Variants in ZNF18 observed in about 807,000 individuals in gnomAD.
ZNF18 encodes the protein heart development-specific gene 1 protein.
In ZNF18, 42 loss-of-function variants were observed where a neutral mutation model predicts 58.1. That is an observed-to-expected ratio of 0.72 (90% CI 0.56 to 0.93). The LOEUF (loss-of-function observed/expected upper bound fraction) is 0.93, where lower values mean the gene tolerates loss of function less well. Ranked by LOEUF, ZNF18 falls within the 40% of genes least tolerant of loss-of-function variation. ZNF18 has a pLI of 0.00. For synonymous variants in ZNF18, 231 were observed against 239.8 expected (o/e 0.96, Z 0.34); for missense variants, 540 against 644.2 (o/e 0.84, Z 1.75).
intron 1 of ZNF18, among the ~76,000 whole-genome samples, chr17:11,994,944 C>T (rs1042427367): frequency 3.0e-4 from 46 of 152,220 alleles, no homozygotes; most frequent in Non-Finnish European, 7.3e-5. Flanking sequence ...CATCTTCACA[C>T]TGAGTAGCCT....
In ZNF18 at chr17:11,991,058, A is replaced by C; in HGVS notation, c.493T>G (p.Leu165Val). The change falls in exon 3 of 7, where the codon TTG becomes GTG. Residue 165 changes from leucine to valine, a missense_variant. Physicochemically the swap from Leu to Val is conservative, Grantham distance 32. Transcript: ENST00000580306. Reference sequence around the variant, plus strand: ...CCTGAGGATGAATTCTCAAGTCCCAACTCCTGAGGCACCACTTCAAGATGG... The same window carrying C: ...CCTGAGGATGAATTCTCAAGTCCCACCTCCTGAGGCACCACTTCAAGATGG... ...EPHLEVVPQELGLENSSSGPG... is the reference protein window; with the variant it reads ...EPHLEVVPQEVGLENSSSGPG... The C allele has an allele frequency of 1.2e-6, 2 of 1,613,726 alleles. No homozygotes were observed. The highest frequency in any genetic ancestry group is 1.7e-6 in the Non-Finnish European group (2 of 1,179,910).
At chr17:12,013,955 G>C in the ZNF18 span, among the ~76,000 whole-genome samples, 1 of 152,212 alleles carries the variant, frequency 6.6e-6, no homozygotes, top group Non-Finnish European at 1.5e-5. Context: ...GACCAAAAGT[G>C]ACTGACAGAT....
intron 1 of ZNF18, among the ~76,000 whole-genome samples, chr17:11,995,131 G>A (rs1443386952): frequency 1.3e-5 from 2 of 151,886 alleles, no homozygotes; most frequent in East Asian, 3.9e-4. Context: ...ACCCAGGTCT[G>A]AGCGCAGTGG....
chr17:12,011,187 T>C, the ZNF18 span: 7 of 565,494 alleles, frequency 1.2e-5, no homozygotes, highest in South Asian at 1.4e-4. Flanking sequence ...GGAGAACATA[T>C]ATCGGGTGCC....
chr17:12,018,928 C>CTA, the ZNF18 span, among the ~76,000 whole-genome samples: 2,384 of 150,160 alleles, frequency 0.016, 32 homozygotes, highest in Non-Finnish European at 0.024. Flanking sequence ...GAAGGTTTTC[C>CTA]TATATATATA....
upstream of ZNF18, among the ~76,000 whole-genome samples, chr17:12,000,891 G>A (rs186515041): frequency 1.1e-4 from 16 of 152,308 alleles, no homozygotes; most frequent in East Asian, 5.8e-4. Context: ...AATAAGGAAC[G>A]AGAAGAGAAG....
At chr17:11,987,696 C>T (rs75785561) in intron 4 of ZNF18, among the ~76,000 whole-genome samples, 1,555 of 152,282 alleles carry the variant, frequency 0.01, 29 homozygotes, top group African/African-American at 0.036. Flanking sequence ...AACAATAATC[C>T]TCCAAGCCTG....
chr17:12,005,340 A>G, the ZNF18 span, among the ~76,000 whole-genome samples: 2 of 152,114 alleles, frequency 1.3e-5, no homozygotes, highest in Admixed American at 6.6e-5. Flanking sequence ...ATGAAAATCA[A>G]TACACAAAAT....
intron 1 of ZNF18, chr17:11,996,700 A>C (rs1968490186): frequency 6.6e-6 from 1 of 152,216 alleles, no homozygotes; most frequent in African/African-American, 2.4e-5. Flanking sequence ...TGTAATATAC[A>C]CAAGTGGTTA....
intron 6 of ZNF18, 96 bp from the exon 7 acceptor site, chr17:11,978,840 C>CTTTTTTTTTTTTTTT (rs56969015): frequency 8.5e-6 from 1 of 117,520 alleles, no homozygotes; most frequent in African/African-American, 5.2e-5. Flanking sequence ...CATTCATTTT[C>CTTTTTTTTTTTTTTT]TTTTTTTTTT....
chr17:12,000,202 C>G (rs189188247), upstream of ZNF18, among the ~76,000 whole-genome samples: 2 of 152,016 alleles, frequency 1.3e-5, no homozygotes, highest in African/African-American at 4.8e-5. Flanking sequence ...ATTACAGGTG[C>G]GAGCCACCAG....
chr17:11,983,820 C>T (rs1286192491), intron 5 of ZNF18, among the ~76,000 whole-genome samples: 1 of 152,152 alleles, frequency 6.6e-6, no homozygotes, highest in Non-Finnish European at 1.5e-5. Flanking sequence ...ATCTGACACT[C>T]ACTTTCATCA....
At chr17:12,001,215 C>T (rs922890761), upstream of ZNF18, among the ~76,000 whole-genome samples, 1 of 152,142 alleles carries the variant, frequency 6.6e-6, no homozygotes, top group Admixed American at 6.6e-5. Flanking sequence ...AAAACAAATC[C>T]TCGTACAGAG....
intron 4 of ZNF18, among the ~76,000 whole-genome samples, chr17:11,989,368 T>C (rs143037845): frequency 0.01 from 1,550 of 151,960 alleles, 29 homozygotes; most frequent in African/African-American, 0.036. Context: ...TACAAAGAAG[T>C]GGGAAAATAC....
At chr17:12,001,546 A>G (rs974036069), upstream of ZNF18, among the ~76,000 whole-genome samples, 2 of 152,020 alleles carry the variant, frequency 1.3e-5, no homozygotes, top group South Asian at 2.1e-4. Flanking sequence ...GGAGAATGGC[A>G]TGAACCCAGG....
intron 6 of ZNF18, among the ~76,000 whole-genome samples, chr17:11,981,706 A>G (rs905556091): frequency 2.0e-5 from 3 of 152,060 alleles, no homozygotes; most frequent in African/African-American, 4.8e-5. Flanking sequence ...AGGTCAGACT[A>G]CTAGGAGCTA....
chr17:12,019,949 T>G, the ZNF18 span, among the ~76,000 whole-genome samples: 2 of 152,188 alleles, frequency 1.3e-5, no homozygotes, highest in Admixed American at 1.3e-4. Flanking sequence ...CCATTTCGAG[T>G]ACATTATGGT....
intron 3 of ZNF18, 128 bp downstream of exon 3, chr17:11,990,846 G>T: frequency 9.4e-7 from 1 of 1,064,674 alleles, no homozygotes; most frequent in Non-Finnish European, 1.4e-6. Context: ...GGTTTATTTA[G>T]GTCTAACCTG....
At chr17:12,004,155 C>T in the ZNF18 span, among the ~76,000 whole-genome samples, 15 of 151,772 alleles carry the variant, frequency 9.9e-5, no homozygotes, top group Admixed American at 6.6e-4. Context: ...CGCTTGAACC[C>T]GGGAGATGGA....
Sources: allele counts gnomAD v4.1 joint callset (sites outside exome capture counted in the v4.1 genomes callset), GRCh38; gene constraint gnomAD v4.1.1; transcripts MANE v1.5; gene names NCBI Gene and HGNC (gene_info 2026-07-23, HGNC 2026-07-21).